Variants in DPYD observed in about 807,000 individuals in gnomAD.
The protein encoded by DPYD is dihydropyrimidine dehydrogenase.
In DPYD, 109 loss-of-function variants were observed where a neutral mutation model predicts 116.2. The observed-to-expected ratio is 0.94, with a 90% CI of 0.80 to 1.10. The LOEUF (loss-of-function observed/expected upper bound fraction) is 1.10. DPYD is among the 50% of genes least tolerant of loss of function. The pLI, the probability that DPYD is intolerant of heterozygous loss-of-function variation, is 0.00. For missense variants in DPYD, 1,302 were observed against 1,254.5 expected, an observed-to-expected ratio of 1.04 and a Z score of -0.57; for synonymous variants, 440 against 432.0, an observed-to-expected ratio of 1.02 and a Z score of -0.23.
At chr1:97,387,053 T>G (rs190525517) in intron 14 of DPYD, among the ~76,000 whole-genome samples, 6 of 152,276 alleles carry the variant, frequency 3.9e-5, no homozygotes, top group Admixed American at 3.3e-4. Context: ...TGAAATATAT[T>G]TTTAAATAAA....
intron 20 of DPYD, among the ~76,000 whole-genome samples, chr1:97,156,296 T>C (rs530380039): frequency 6.6e-6 from 1 of 152,136 alleles, no homozygotes; most frequent in East Asian, 1.9e-4. Context: ...CAAACTGCAT[T>C]CTTTAAAGAA....
At chr1:97,367,568 G>A (rs1387375759) in intron 16 of DPYD, among the ~76,000 whole-genome samples, 1 of 152,114 alleles carries the variant, frequency 6.6e-6, no homozygotes, top group East Asian at 1.9e-4. Flanking sequence ...ATTAAACGCA[G>A]GAAGGGGACT....
intron 16 of DPYD, among the ~76,000 whole-genome samples, chr1:97,312,404 A>G (rs1008539912): frequency 2.0e-5 from 3 of 151,900 alleles, no homozygotes; most frequent in Admixed American, 2.0e-4. Flanking sequence ...TTAAATTCCA[A>G]TTCCAAATAC....
intron 11 of DPYD, among the ~76,000 whole-genome samples, chr1:97,569,643 T>C (rs1442483337): frequency 3.3e-5 from 5 of 151,718 alleles, no homozygotes; most frequent in Non-Finnish European, 7.4e-5. Flanking sequence ...AGTCGTACAT[T>C]CTTAGAGGGA....
At chr1:97,450,253 C>T (rs1172695123) in intron 13 of DPYD, 30 bp from the exon 14 acceptor site, 5 of 1,611,326 alleles carry the variant, frequency 3.1e-6, no homozygotes, top group African/African-American at 1.3e-5. Context: ...ATTGAGTCTC[C>T]TTTTGACAAA....
chr1:97,686,827 C>T (rs190701105), intron 7 of DPYD, among the ~76,000 whole-genome samples: 2 of 151,960 alleles, frequency 1.3e-5, no homozygotes, highest in African/African-American at 4.8e-5. Context: ...AGAGCTTCTG[C>T]ACAGCAAAAG....
At chr1:97,794,467 A>G (rs1049787735) in intron 3 of DPYD, among the ~76,000 whole-genome samples, 4 of 152,238 alleles carry the variant, frequency 2.6e-5, no homozygotes, top group African/African-American at 9.6e-5. Context: ...AGCATCATTC[A>G]CCATTATAGA....
chr1:97,240,752 T>G (rs543143854), intron 18 of DPYD, among the ~76,000 whole-genome samples: 1 of 152,082 alleles, frequency 6.6e-6, no homozygotes, highest in African/African-American at 2.4e-5. Context: ...TTCAAGGATT[T>G]AGGAGGTGAG....
intron 18 of DPYD, among the ~76,000 whole-genome samples, chr1:97,269,911 A>G (rs1664469131): frequency 6.6e-6 from 1 of 152,206 alleles, no homozygotes; most frequent in Admixed American, 6.5e-5. Flanking sequence ...CTTTCCAAGT[A>G]AATTACTTCA....
At chr1:97,725,355 TA>T (rs1386263530) in intron 4 of DPYD, among the ~76,000 whole-genome samples, 1 of 151,454 alleles carries the variant, frequency 6.6e-6, no homozygotes, top group Non-Finnish European at 1.5e-5. Context: ...GCCAAAAGAC[TA>T]ATTATTGGGA....
At chr1:97,344,205 A>T (rs1029234285) in intron 16 of DPYD, among the ~76,000 whole-genome samples, 4 of 151,872 alleles carry the variant, frequency 2.6e-5, no homozygotes, top group African/African-American at 9.7e-5. Flanking sequence ...AGAGAGAGAG[A>T]GAATCTCGCC....
chr1:97,396,304 T>C (rs1557683188), intron 14 of DPYD, among the ~76,000 whole-genome samples: 1 of 151,512 alleles, frequency 6.6e-6, no homozygotes, highest in African/African-American at 2.4e-5. Flanking sequence ...ATACAAAGCT[T>C]GATCTGTTTG....
intron 14 of DPYD, among the ~76,000 whole-genome samples, chr1:97,389,874 A>AAT (rs60279470): frequency 0.047 from 7,178 of 151,712 alleles, 272 homozygotes; most frequent in East Asian, 0.17. Context: ...CAAAAAAAAA[A>AAT]AAAGTAGTGC....
At chr1:97,133,923 C>T (rs1411955350) in intron 20 of DPYD, among the ~76,000 whole-genome samples, 6 of 147,638 alleles carry the variant, frequency 4.1e-5, no homozygotes, top group African/African-American at 1.5e-4. Flanking sequence ...CGCTGAAACC[C>T]GGGAGGTGGA....
At chr1:97,863,707 T>A (rs1016256714) in intron 2 of DPYD, among the ~76,000 whole-genome samples, 3 of 151,814 alleles carry the variant, frequency 2.0e-5, no homozygotes, top group Non-Finnish European at 2.9e-5. Flanking sequence ...TAACGCTAAG[T>A]TACAATGTGA....
chr1:97,882,471 C>A (rs558424085), intron 2 of DPYD, among the ~76,000 whole-genome samples: 1 of 151,974 alleles, frequency 6.6e-6, no homozygotes, highest in African/African-American at 2.4e-5. Flanking sequence ...AGTATATACA[C>A]GGTTCCAATT....
chr1:97,805,500 TA>T (rs1221357800), intron 3 of DPYD, among the ~76,000 whole-genome samples: 1 of 151,908 alleles, frequency 6.6e-6, no homozygotes, highest in Non-Finnish European at 1.5e-5. Context: ...TAGTTGCTTA[TA>T]TTCAATCAAT....
chr1:97,788,132 T>G (rs545476365), intron 3 of DPYD, among the ~76,000 whole-genome samples: 18 of 152,232 alleles, frequency 1.2e-4, no homozygotes, highest in African/African-American at 4.3e-4. Context: ...GTGCAGGACG[T>G]GGGGCAGCTT....
At chr1:97,757,455 G>C (rs1665311407) in intron 3 of DPYD, among the ~76,000 whole-genome samples, 1 of 152,086 alleles carries the variant, frequency 6.6e-6, no homozygotes, top group Admixed American at 6.6e-5. Flanking sequence ...AGGCTGATGA[G>C]GGCAAGGAAA....
Sources: gnomAD v4.1 joint callset for allele counts (sites outside exome capture counted in the v4.1 genomes callset) on GRCh38, gnomAD v4.1.1 for gene constraint, MANE v1.5 for transcripts, NCBI Gene and HGNC (gene_info 2026-07-23, HGNC 2026-07-21) for gene names.